Variants in ALG1 observed in about 807,000 individuals in gnomAD.
ALG1 encodes the protein ALG1 chitobiosyldiphosphodolichol beta-mannosyltransferase, also known as chitobiosyldiphosphodolichol beta-mannosyltransferase.
In ALG1, 58 loss-of-function variants were observed where a neutral mutation model predicts 55.1. That is an observed-to-expected ratio of 1.05 (90% CI 0.85 to 1.31). The LOEUF is 1.31. Ranked by LOEUF, ALG1 falls within the 50% of genes most tolerant of loss-of-function variation. The probability of loss-of-function intolerance (pLI) is 0.00; values close to 1 mark genes in which losing one functional copy is unlikely to be tolerated. For missense variants in ALG1, 761 were observed against 598.6 expected (o/e 1.27, Z -2.83); for synonymous variants, 309 against 247.0 (o/e 1.25, Z -2.35).
chr16:5,080,346 C>T (rs577076591), intron 9 of ALG1, among the ~76,000 whole-genome samples: 138 of 152,232 alleles, frequency 9.1e-4, no homozygotes, highest in Non-Finnish European at 1.8e-3. Context: ...ATTACAGGCA[C>T]AAATCACTGT....
intron 12 of ALG1, chr16:5,084,491 G>T (rs2142730949): frequency 1.6e-6 from 1 of 615,178 alleles, no homozygotes; most frequent in East Asian, 2.9e-5. Flanking sequence ...ACAGGGGAAT[G>T]GGCAGCACGT....
chr16:5,083,616 G>C (rs761752067), intron 11 of ALG1, 66 bp from the exon 12 acceptor site: 14 of 1,598,322 alleles, frequency 8.8e-6, no homozygotes, highest in Non-Finnish European at 1.2e-5. Flanking sequence ...GGGAGCCCAG[G>C]TGGGCACCCC....
At chr16:5,077,574 G>A (rs377401084) in intron 5 of ALG1, 40 bp downstream of exon 5, 23 of 1,596,948 alleles carry the variant, frequency 1.4e-5, no homozygotes, top group Admixed American at 1.2e-4. Context: ...GGAGAGGCGC[G>A]GGGCCCCTGA....
rs958533234 is a variant in ALG1, at chr16:5,076,426, C to A, written c.539+890C>A. Among the ~76,000 whole-genome samples, 184 of 152,346 alleles carry A rather than the reference C, an allele frequency of 1.2e-3. 1 individual carries two copies. The highest frequency in any genetic ancestry group is 4.3e-3 in the African/African-American group (177 of 41,594). On this transcript the variant is annotated intron_variant, in intron 4 of 12. Transcript: ENST00000262374. ...CTTTTTGTATTTTACCCTGTTCAAT[C>A]TCTATGCACCTCAGGAGGGTGTACC... is the stretch of plus-strand genomic sequence containing the variant.
intron 10 of ALG1, 68 bp downstream of exon 10, chr16:5,081,124 G>T: frequency 7.0e-7 from 1 of 1,436,144 alleles, no homozygotes. Flanking sequence ...TACTTTTTCT[G>T]AAAAGGTGGC....
chr16:5,080,790 T>G (rs554609922), intron 9 of ALG1, among the ~76,000 whole-genome samples, 156 bp from the exon 10 acceptor site: 6 of 152,240 alleles, frequency 3.9e-5, no homozygotes, highest in African/African-American at 1.2e-4. Flanking sequence ...GGCTCCTGGG[T>G]TGCTTCTGGA....
intron 5 of ALG1, 110 bp downstream of exon 5, chr16:5,077,644 C>G: frequency 8.3e-7 from 1 of 1,202,052 alleles, no homozygotes. Flanking sequence ...ATTTGAAATA[C>G]TGAGGGCCTG....
rs1956850672 is a variant in ALG1, at chr16:5,073,220, G to T, written c.354G>T (p.Leu118Phe). The T allele has an allele frequency of 1.2e-6, 2 of 1,614,106 alleles. No homozygotes were observed. Among genetic ancestry groups the T allele is most frequent in the Non-Finnish European group, 1.7e-6 (2 of 1,180,048 alleles). The change falls in exon 3 of 13, where the codon TTG (leucine) becomes TTT (phenylalanine). Residue 118 changes from leucine to phenylalanine, a missense_variant. By Grantham distance (22) the Leu-to-Phe change is conservative. Coordinates refer to ENST00000262374, the MANE Select transcript of ALG1 (RefSeq NM_019109.5). ...VLQAMYLLWK[L>F]MWREPGAYIF... Reference sequence around the variant, plus strand: ...AGGCTATGTACTTGCTGTGGAAGTTGATGTGGAGGGAGCCAGGTGCCTATA... The same window carrying T: ...AGGCTATGTACTTGCTGTGGAAGTTTATGTGGAGGGAGCCAGGTGCCTATA...
chr16:5,075,966 G>C (rs1596254771), intron 4 of ALG1, among the ~76,000 whole-genome samples: 1 of 152,234 alleles, frequency 6.6e-6, no homozygotes, highest in South Asian at 2.1e-4. Flanking sequence ...CAGCAGAAGA[G>C]CTGGGTCTCA....
chr16:5,078,440 G>T (rs1247542074), intron 6 of ALG1: 18 of 614,090 alleles, frequency 2.9e-5, no homozygotes, highest in Non-Finnish European at 4.8e-5. Context: ...GCACCCTGAG[G>T]TGTGCCCTGG....
In ALG1 at chr16:5,079,267, A is replaced by G. The variant is rs546884642; in HGVS notation, c.901+165A>G. On this transcript the variant is annotated intron_variant, in intron 8 of 12. Transcript: ENST00000262374. ...GCCGCCCTGAATCCCCAGTTGGGTC[A>G]TTGAGTGACCAGGCCCTCAGGCTGA... Among the ~76,000 whole-genome samples, 5 of 152,332 alleles carry G rather than the reference A, an allele frequency of 3.3e-5. No homozygotes were observed. The East Asian group carries it at 5.8e-4, about 18-fold the overall frequency.
chr16:5,075,743 A>T (rs1451392372), intron 4 of ALG1, among the ~76,000 whole-genome samples: 1 of 152,154 alleles, frequency 6.6e-6, no homozygotes, highest in African/African-American at 2.4e-5. Flanking sequence ...ATGAAATGGA[A>T]GTGTCTGTGG....
Position 5,085,489 on chromosome 16 carries a change from G to C in ALG1, c.*608G>C, listed in dbSNP as rs1957123254. On this transcript the variant is annotated 3_prime_UTR_variant, in exon 13 of 13. Coordinates refer to ENST00000262374, the MANE Select transcript of ALG1 (RefSeq NM_019109.5). ...CTTAGATAGCCGATGTCTTATTAGAGGGCAGTTTGTGGTTCCTGATTTGGA... is the reference window on the plus strand; with the variant it reads ...CTTAGATAGCCGATGTCTTATTAGACGGCAGTTTGTGGTTCCTGATTTGGA... The C allele has an allele frequency of 4.2e-6, 3 of 718,610 alleles. No homozygotes were observed. Among genetic ancestry groups the C allele is most frequent in the Non-Finnish European group, 5.1e-6 (2 of 396,008 alleles). The allele number at this position is 718,610 out of a possible 1,614,324, so 44.5% of individuals were successfully genotyped here. A position where few individuals can be genotyped will look rare whatever the true frequency, so the allele number is the denominator to read the frequency against.
intron 5 of ALG1, among the ~76,000 whole-genome samples, 155 bp from the exon 6 acceptor site, chr16:5,077,752 T>C (rs541792756): frequency 6.6e-5 from 10 of 152,364 alleles, no homozygotes; most frequent in Admixed American, 1.3e-4. Flanking sequence ...CTAGGACGTC[T>C]CTCTGTGCAT....
intron 3 of ALG1, among the ~76,000 whole-genome samples, chr16:5,075,102 C>T (rs1956885237): frequency 2.0e-5 from 3 of 152,134 alleles, no homozygotes; most frequent in African/African-American, 7.2e-5. Context: ...TGAGGTCTCA[C>T]TGTGTTTCCT....
rs1416872357 is a variant in ALG1 at position 5,072,979 on chromosome 16, GAAC to G, written c.242_244del (p.Asn81del). ...CCAAACCCCATGATGAGCTCTTGCA[GAAC>G]AACAGAATTCAGATTGTGGGGTTGA... On this transcript the variant is annotated inframe_deletion, in exon 2 of 13. Transcript: ENST00000262374. 10 of 1,614,102 alleles carry G rather than the reference GAAC, an allele frequency of 6.2e-6. No homozygotes were observed. Among genetic ancestry groups the G allele is most frequent in the Admixed American group, 5.0e-5 (3 of 60,008 alleles).
intron 3 of ALG1, among the ~76,000 whole-genome samples, chr16:5,075,166 A>T (rs998024263): frequency 3.3e-5 from 5 of 152,106 alleles, no homozygotes; most frequent in African/African-American, 1.2e-4. Context: ...GGCCTCCCAA[A>T]GTGTTGGGAT....
chr16:5,081,163 G>A, intron 10 of ALG1, 107 bp downstream of exon 10: 2 of 1,290,318 alleles, frequency 1.6e-6, no homozygotes, highest in East Asian at 2.5e-5. Context: ...ACGGGACCTG[G>A]GCTCTGGCTG....
At chr16:5,073,620 C>T (rs1233199056) in intron 3 of ALG1, among the ~76,000 whole-genome samples, 2 of 152,250 alleles carry the variant, frequency 1.3e-5, no homozygotes, top group East Asian at 3.8e-4. Flanking sequence ...AGCCCATCGC[C>T]ATACAGCTAG....
Sources: gnomAD v4.1 joint callset for allele counts (sites outside exome capture counted in the v4.1 genomes callset) on GRCh38, gnomAD v4.1.1 for gene constraint, MANE v1.5 for transcripts, NCBI Gene and HGNC (gene_info 2026-07-23, HGNC 2026-07-21) for gene names.